EIF4G3: variants seen among roughly 807,000 people sequenced by gnomAD.
EIF4G3 encodes eukaryotic translation initiation factor 4 gamma 3, also known as eIF-4-gamma 3.
Under a neutral mutation model 186.4 loss-of-function variants are expected in EIF4G3, and 34 were observed. That is an observed-to-expected ratio of 0.18 (90% CI 0.14 to 0.24). The LOEUF (loss-of-function observed/expected upper bound fraction) is 0.24, where lower values mean the gene tolerates loss of function less well. Among genes scored for constraint, EIF4G3 ranks in the 10% least tolerant of loss-of-function variants. The pLI is 1.00. For missense variants in EIF4G3, 1,536 were observed against 1,948.5 expected (o/e 0.79, Z 3.99); for synonymous variants, 673 against 679.5 (o/e 0.99, Z 0.15).
At chr1:20,960,238 G>A (rs2096540981) in intron 12 of EIF4G3, among the ~76,000 whole-genome samples, 1 of 126,378 alleles carries the variant, frequency 7.9e-6, no homozygotes, top group Admixed American at 7.7e-5. Flanking sequence ...AGGCTGAGGT[G>A]GGCAGATCAA....
intron 25 of EIF4G3, among the ~76,000 whole-genome samples, chr1:20,856,931 G>A (rs1237289820): frequency 6.6e-6 from 1 of 152,098 alleles, no homozygotes. Flanking sequence ...GGGAGGCCGA[G>A]GTGGGTGGAT....
intron 34 of EIF4G3, 105 bp downstream of exon 34, chr1:20,817,281 AAAAAAT>A (rs1226419405): frequency 1.4e-5 from 5 of 368,188 alleles, no homozygotes; most frequent in Admixed American, 1.6e-4. Context: ...AATAAATAAA[AAAAAAT>A]AAAAATAAAA....
intron 29 of EIF4G3, chr1:20,848,065 C>G: frequency 2.2e-5 from 7 of 324,564 alleles, no homozygotes; most frequent in South Asian, 1.7e-4. Context: ...TCCCGGGCTT[C>G]AAGTGATCCT....
chr1:21,011,208 T>C (rs74058806), intron 4 of EIF4G3, among the ~76,000 whole-genome samples: 1 of 133,762 alleles, frequency 7.5e-6, no homozygotes, highest in Non-Finnish European at 1.7e-5. Context: ...AAACTTTTTT[T>C]TAAAAAAAAA....
chr1:20,826,691 T>C (rs1315318848), intron 32 of EIF4G3, among the ~76,000 whole-genome samples: 1 of 151,882 alleles, frequency 6.6e-6, no homozygotes, highest in African/African-American at 2.4e-5. Context: ...GGTTTCACCA[T>C]GTTGGCCAGG....
chr1:21,135,910 G>T (rs1227071533), intron 2 of EIF4G3, among the ~76,000 whole-genome samples: 1 of 151,732 alleles, frequency 6.6e-6, no homozygotes, highest in Non-Finnish European at 1.5e-5. Context: ...CAGGCCGGGC[G>T]CGGTGGCTCA....
At chr1:21,080,179 G>T (rs1304151549) in intron 3 of EIF4G3, among the ~76,000 whole-genome samples, 3 of 151,808 alleles carry the variant, frequency 2.0e-5, no homozygotes, top group Non-Finnish European at 2.9e-5. Flanking sequence ...GCCAGGCATG[G>T]TGATGCATGC....
intron 2 of EIF4G3, among the ~76,000 whole-genome samples, chr1:21,109,083 T>G (rs1361697177): frequency 6.6e-6 from 1 of 151,902 alleles, no homozygotes; most frequent in Admixed American, 6.6e-5. Context: ...CTGGGCATAG[T>G]GGTGCACATC....
At chr1:20,939,467 A>G (rs1292739061) in intron 14 of EIF4G3, among the ~76,000 whole-genome samples, 1 of 152,238 alleles carries the variant, frequency 6.6e-6, no homozygotes, top group African/African-American at 2.4e-5. Flanking sequence ...TATTTAAACC[A>G]AAATTCTGTT....
At chr1:20,904,327 A>G (rs1177258917) in intron 15 of EIF4G3, among the ~76,000 whole-genome samples, 1 of 152,170 alleles carries the variant, frequency 6.6e-6, no homozygotes, top group Non-Finnish European at 1.5e-5. Context: ...GGGGAAGAGG[A>G]AGGTTAACCA....
chr1:21,154,735 G>C (rs942308725), intron 2 of EIF4G3, among the ~76,000 whole-genome samples: 1 of 152,214 alleles, frequency 6.6e-6, no homozygotes, highest in Non-Finnish European at 1.5e-5. Flanking sequence ...TTAATAAGGA[G>C]ATGCAGATAT....
intron 2 of EIF4G3, among the ~76,000 whole-genome samples, chr1:21,150,764 G>C (rs1306540689): frequency 6.6e-6 from 1 of 152,176 alleles, no homozygotes; most frequent in African/African-American, 2.4e-5. Context: ...ACCACCTGAG[G>C]TCGGGAGTTC....
intron 12 of EIF4G3, among the ~76,000 whole-genome samples, chr1:20,960,198 G>A (rs1438043042): frequency 6.6e-6 from 1 of 152,144 alleles, no homozygotes. Flanking sequence ...TGGGCACGGT[G>A]GCTCATGCCT....
At chr1:20,815,623 G>C (rs1372825961) in intron 34 of EIF4G3, among the ~76,000 whole-genome samples, 3 of 150,842 alleles carry the variant, frequency 2.0e-5, no homozygotes, top group African/African-American at 7.3e-5. Flanking sequence ...CTCTCCGCCC[G>C]GCAGCCACCC....
intron 33 of EIF4G3, 125 bp from the exon 34 acceptor site, chr1:20,817,663 G>A (rs2061395395): frequency 4.2e-6 from 2 of 477,800 alleles, no homozygotes; most frequent in African/African-American, 4.1e-5. Flanking sequence ...GATCAGCAGA[G>A]GCTATTTTAT....
chr1:21,109,495 G>A (rs570925101), intron 2 of EIF4G3, among the ~76,000 whole-genome samples: 1 of 152,170 alleles, frequency 6.6e-6, no homozygotes, highest in South Asian at 2.1e-4. Flanking sequence ...ATTAAAATAA[G>A]TATAAAAGAA....
intron 14 of EIF4G3, among the ~76,000 whole-genome samples, chr1:20,928,149 G>A (rs986251354): frequency 3.3e-5 from 5 of 152,022 alleles, no homozygotes; most frequent in African/African-American, 1.2e-4. Flanking sequence ...AATTTAACTA[G>A]TAGTAAAGTA....
At chr1:21,167,370 C>T (rs1369448286) in intron 2 of EIF4G3, among the ~76,000 whole-genome samples, 1 of 152,158 alleles carries the variant, frequency 6.6e-6, no homozygotes, top group Non-Finnish European at 1.5e-5. Flanking sequence ...ACTAACACTT[C>T]CTGAAAACCA....
intron 2 of EIF4G3, chr1:21,175,829 C>G (rs577495465): frequency 6.4e-6 from 1 of 156,146 alleles, no homozygotes; most frequent in Non-Finnish European, 1.4e-5. Flanking sequence ...AAAGCCTTCC[C>G]TGCAGGGTTG....
Sources: allele counts gnomAD v4.1 joint callset (sites outside exome capture counted in the v4.1 genomes callset), GRCh38; gene constraint gnomAD v4.1.1; transcripts MANE v1.5; gene names NCBI Gene and HGNC (gene_info 2026-07-23, HGNC 2026-07-21).